NOL4: variants seen among roughly 807,000 people sequenced by gnomAD.
NOL4 encodes the protein cancer/testis antigen 125.
NOL4 carries 17 observed loss-of-function variants against 75.9 expected under a neutral mutation model. The observed-to-expected ratio is 0.22, with a 90% CI of 0.15 to 0.34. The LOEUF (loss-of-function observed/expected upper bound fraction) is 0.34. NOL4 is among the 10% of genes least tolerant of loss of function. The pLI, the probability that NOL4 is intolerant of heterozygous loss-of-function variation, is 1.00. For missense variants in NOL4, 614 were observed against 793.5 expected, an observed-to-expected ratio of 0.77 and a Z score of 2.72; for synonymous variants, 292 against 289.9, an observed-to-expected ratio of 1.01 and a Z score of -0.07.
chr18:33,854,910 G>A (rs770291725), intron 10 of NOL4, among the ~76,000 whole-genome samples: 1 of 152,028 alleles, frequency 6.6e-6, no homozygotes, highest in African/African-American at 2.4e-5. Flanking sequence ...ACACCCTACC[G>A]CTGGCTCAGT....
chr18:34,093,490 G>A lies in NOL4; in HGVS notation c.747C>T (p.Pro249=), dbSNP rs143298317. Residue 249 remains proline (P), a synonymous_variant, in exon 5 of 11, where the codon CCC becomes CCT. Transcript: ENST00000261592. ...SSNLEERMQS[P]QNLHGQQDDD... ...CATCTTGCTGGCCATGAAGATTCTG[G>A]GGACTTTGCATTCTTTCTTCAAGAT... 4,893 of 1,591,818 alleles carry A rather than the reference G, an allele frequency of 3.1e-3. 10 individuals carry two copies. Among genetic ancestry groups the A allele is most frequent in the Admixed American group, 4.7e-3 (270 of 58,034 alleles).
intron 10 of NOL4, among the ~76,000 whole-genome samples, chr18:33,872,765 G>C (rs2063759466): frequency 6.6e-6 from 1 of 151,882 alleles, no homozygotes; most frequent in Non-Finnish European, 1.5e-5. Flanking sequence ...AGCCACATAT[G>C]GATAGTGGCT....
At chr18:33,917,609 C>G (rs1275461011) in intron 9 of NOL4, among the ~76,000 whole-genome samples, 12 of 152,068 alleles carry the variant, frequency 7.9e-5, no homozygotes. Context: ...ATCCTCCCTC[C>G]TCAGCCTCCC....
In NOL4 at chr18:34,131,067, T is replaced by C. The variant is rs112606922; in HGVS notation, c.265-1047A>G. ...ACACATACACATACACACACACACATACACCGACACACACACACACACACA... is the reference window on the plus strand; with the variant it reads ...ACACATACACATACACACACACACACACACCGACACACACACACACACACA... On this transcript the variant is annotated intron_variant, in intron 1 of 10. Transcript: ENST00000261592. Among the ~76,000 whole-genome samples the C allele has an allele frequency of 8.3e-3, 1,063 of 128,514 alleles. 12 individuals are homozygous for C. Among genetic ancestry groups the C allele is most frequent in the Middle Eastern group, 0.031 (8 of 254 alleles). The allele number at this position is 128,514 out of a possible 152,430, so 84.3% of individuals were successfully genotyped here.
chr18:34,019,678 G>A, intron 5 of NOL4, 77 bp from the exon 6 acceptor site: 1 of 1,312,676 alleles, frequency 7.6e-7, no homozygotes, highest in Non-Finnish European at 1.1e-6. Context: ...CATTTATTGA[G>A]CTCCCATTAT....
In NOL4 at chr18:34,105,089, C is replaced by T; in HGVS notation, c.486G>A (p.Gln162=). The T allele has an allele frequency of 6.2e-7, 1 of 1,612,176 alleles. No individual in the cohort carries two copies. Among genetic ancestry groups the T allele is most frequent in the Non-Finnish European group, 8.5e-7 (1 of 1,178,516 alleles). Residue 162 remains glutamine, a synonymous_variant, in exon 3 of 11, where the codon CAG becomes CAA. Transcript: ENST00000261592. ...CATCTGGGTTTAAATGCATTCTTTTCTGGCACTCTGAGCAGCTCATTAGAA... is the reference window on the plus strand; with the variant it reads ...CATCTGGGTTTAAATGCATTCTTTTTTGGCACTCTGAGCAGCTCATTAGAA... The part of the protein sequence containing the change: ...TRFLMSCSEC[Q]KRMHLNPDGT...
chr18:34,000,033 G>A (rs567723921), intron 6 of NOL4, among the ~76,000 whole-genome samples: 4 of 152,206 alleles, frequency 2.6e-5, no homozygotes, highest in Non-Finnish European at 4.4e-5. Context: ...GCAAGTATTT[G>A]CAACTAAGAC....
chr18:33,938,255 T>C (rs1200593256), intron 9 of NOL4, among the ~76,000 whole-genome samples: 1 of 152,076 alleles, frequency 6.6e-6, no homozygotes, highest in Non-Finnish European at 1.5e-5. Context: ...GAATGGTAAA[T>C]GAAACTGTAT....
At chr18:34,169,217 AAC>A (rs2032761168) in intron 1 of NOL4, among the ~76,000 whole-genome samples, 1 of 152,000 alleles carries the variant, frequency 6.6e-6, no homozygotes, top group South Asian at 2.1e-4. Flanking sequence ...TGAACAAAAT[AAC>A]AGTGTATATT....
intron 1 of NOL4, among the ~76,000 whole-genome samples, chr18:34,151,441 G>C (rs530004365): frequency 3.3e-5 from 5 of 151,956 alleles, no homozygotes; most frequent in African/African-American, 9.6e-5. Context: ...TCGAGTGATA[G>C]AAGCCAATCT....
At chr18:33,998,925 T>G (rs2073486060) in intron 6 of NOL4, among the ~76,000 whole-genome samples, 1 of 152,112 alleles carries the variant, frequency 6.6e-6, no homozygotes. Context: ...TTATAGTTGC[T>G]GAGTAGAATG....
chr18:34,080,325 A>G (rs1180477217), intron 5 of NOL4, among the ~76,000 whole-genome samples: 3 of 152,216 alleles, frequency 2.0e-5, no homozygotes, highest in African/African-American at 4.8e-5. Flanking sequence ...ACCAGATTAC[A>G]TATCATCTGC....
intron 6 of NOL4, among the ~76,000 whole-genome samples, chr18:33,996,970 G>GT (rs1476166430): frequency 6.6e-6 from 1 of 151,792 alleles, no homozygotes; most frequent in Non-Finnish European, 1.5e-5. Flanking sequence ...TCAACTCTTA[G>GT]TTTAAGTTCC....
chr18:34,024,144 T>C (rs2144536304), intron 5 of NOL4, among the ~76,000 whole-genome samples: 1 of 136,196 alleles, frequency 7.3e-6, no homozygotes, highest in South Asian at 2.2e-4. Flanking sequence ...CTCAGCATCA[T>C]GTCCTTTAGG....
chr18:33,944,929 A>G (rs1403929759), intron 8 of NOL4, among the ~76,000 whole-genome samples: 2 of 151,910 alleles, frequency 1.3e-5, no homozygotes, highest in Non-Finnish European at 2.9e-5. Flanking sequence ...TGCCTGGCTC[A>G]AAAATGTAGT....
intron 5 of NOL4, among the ~76,000 whole-genome samples, chr18:34,052,439 A>G (rs2076663914): frequency 6.6e-6 from 1 of 152,098 alleles, no homozygotes; most frequent in Non-Finnish European, 1.5e-5. Flanking sequence ...TCTTTTTTAA[A>G]AAGCTGTACA....
At chr18:33,958,139 A>T in intron 7 of NOL4, 100 bp downstream of exon 7, 1 of 1,131,944 alleles carries the variant, frequency 8.8e-7, no homozygotes, top group Non-Finnish European at 1.3e-6. Flanking sequence ...TCTGTAAATT[A>T]AACAAACATG....
At chr18:34,172,973 AT>A (rs1232536691) in intron 1 of NOL4, among the ~76,000 whole-genome samples, 2 of 151,748 alleles carry the variant, frequency 1.3e-5, no homozygotes, top group East Asian at 1.9e-4. Flanking sequence ...ATGTTGTTGA[AT>A]TTTTTTCTTT....
At chr18:34,095,245 A>ATGTGTGTGTG (rs761927350) in intron 4 of NOL4, among the ~76,000 whole-genome samples, 275 of 94,312 alleles carry the variant, frequency 2.9e-3, no homozygotes, top group Non-Finnish European at 3.6e-3. Context: ...CTAAATTCTA[A>ATGTGTGTGTG]TGTGTATGTG....
Sources: allele counts gnomAD v4.1 joint callset (sites outside exome capture counted in the v4.1 genomes callset), GRCh38; gene constraint gnomAD v4.1.1; transcripts MANE v1.5; gene names NCBI Gene and HGNC (gene_info 2026-07-23, HGNC 2026-07-21).